SIPA1L1: variants seen among roughly 807,000 people sequenced by gnomAD.
SIPA1L1 encodes the protein signal-induced proliferation-associated 1-like protein 1.
SIPA1L1 carries 26 observed loss-of-function variants against 162.7 expected under a neutral mutation model. That is an observed-to-expected ratio of 0.16 (90% confidence interval 0.12 to 0.22). The LOEUF (loss-of-function observed/expected upper bound fraction) is 0.22. Among genes scored for constraint, SIPA1L1 ranks in the 10% least tolerant of loss-of-function variants. The pLI, the probability that SIPA1L1 is intolerant of heterozygous loss-of-function variation, is 1.00. For synonymous variants in SIPA1L1, 829 were observed against 837.4 expected, an observed-to-expected ratio of 0.99 and a Z score of 0.17; for missense variants, 1,874 against 2,241.0, an observed-to-expected ratio of 0.84 and a Z score of 3.31.
chr14:71,553,393 A>T (rs989455405), intron 4 of SIPA1L1, among the ~76,000 whole-genome samples: 5 of 152,244 alleles, frequency 3.3e-5, no homozygotes, highest in Admixed American at 3.3e-4. Context: ...CCATGGAGCT[A>T]AACACTTTGA....
At chr14:71,380,400 A>G (rs61991243) in intron 2 of SIPA1L1, among the ~76,000 whole-genome samples, 33,798 of 152,136 alleles carry the variant, frequency 0.22, 3,935 homozygotes, top group Middle Eastern at 0.37. Context: ...CTGCCCAAAT[A>G]TGGTACTTAA....
intron 2 of SIPA1L1, among the ~76,000 whole-genome samples, chr14:71,508,550 G>T (rs1427511656): frequency 6.6e-6 from 1 of 152,196 alleles, no homozygotes; most frequent in African/African-American, 2.4e-5. Flanking sequence ...CTAGAACATG[G>T]TATGTCCACT....
chr14:71,421,979 A>T (rs2043218403), intron 2 of SIPA1L1, among the ~76,000 whole-genome samples: 1 of 152,230 alleles, frequency 6.6e-6, no homozygotes, highest in African/African-American at 2.4e-5. Context: ...ATTCTCATAT[A>T]AACTAGGCCA....
intron 5 of SIPA1L1, among the ~76,000 whole-genome samples, chr14:71,611,029 T>A (rs1176509050): frequency 6.6e-6 from 1 of 152,238 alleles, no homozygotes; most frequent in Non-Finnish European, 1.5e-5. Flanking sequence ...AATGTCCCCA[T>A]CCATTACTCT....
intron 5 of SIPA1L1, among the ~76,000 whole-genome samples, chr14:71,616,642 A>G (rs959070072): frequency 6.6e-6 from 1 of 152,044 alleles, no homozygotes; most frequent in African/African-American, 2.4e-5. Context: ...ATGCTGGTGA[A>G]TTTGTGTGGA....
At chr14:71,603,675 C>T (rs1392745587) in intron 5 of SIPA1L1, among the ~76,000 whole-genome samples, 3 of 151,984 alleles carry the variant, frequency 2.0e-5, no homozygotes, top group African/African-American at 4.8e-5. Flanking sequence ...GTAATCCCAG[C>T]ACTTTGGGAG....
At chr14:71,576,897 A>G (rs1336291041) in intron 4 of SIPA1L1, among the ~76,000 whole-genome samples, 1 of 152,124 alleles carries the variant, frequency 6.6e-6, no homozygotes, top group Non-Finnish European at 1.5e-5. Context: ...AGCCTGGCCA[A>G]CATGGTGAAA....
intron 2 of SIPA1L1, among the ~76,000 whole-genome samples, chr14:71,462,042 C>T (rs1371144544): frequency 6.6e-6 from 1 of 152,178 alleles, no homozygotes; most frequent in East Asian, 1.9e-4. Context: ...ATACCACTTC[C>T]ATTTGATGAT....
At chr14:71,423,204 A>G (rs1355783572) in intron 2 of SIPA1L1, among the ~76,000 whole-genome samples, 2 of 152,112 alleles carry the variant, frequency 1.3e-5, no homozygotes. Context: ...TTCTTTATAT[A>G]GCTGTGATGT....
chr14:71,383,296 T>C (rs2040055084), intron 2 of SIPA1L1, among the ~76,000 whole-genome samples: 1 of 152,160 alleles, frequency 6.6e-6, no homozygotes, highest in South Asian at 2.1e-4. Flanking sequence ...TCCTGGAGAG[T>C]TCACTCTTAC....
chr14:71,577,293 T>C (rs1445283467), intron 4 of SIPA1L1, among the ~76,000 whole-genome samples: 1 of 152,082 alleles, frequency 6.6e-6, no homozygotes, highest in East Asian at 1.9e-4. Flanking sequence ...CTTTTTTCTT[T>C]TATATTTTCA....
chr14:71,565,694 G>T (rs961926483), intron 4 of SIPA1L1, among the ~76,000 whole-genome samples: 2 of 151,942 alleles, frequency 1.3e-5, no homozygotes, highest in Non-Finnish European at 2.9e-5. Flanking sequence ...AAATATTCTG[G>T]CCATGTTTTT....
At chr14:71,417,503 A>AAAAAAAT (rs71105776) in intron 2 of SIPA1L1, among the ~76,000 whole-genome samples, 1 of 138,640 alleles carries the variant, frequency 7.2e-6, no homozygotes, top group Non-Finnish European at 1.6e-5. Flanking sequence ...AAAAAAAAAA[A>AAAAAAAT]GAAAATCCTA....
At chr14:71,737,209 G>A (rs1157723548) in intron 22 of SIPA1L1, among the ~76,000 whole-genome samples, 1 of 152,130 alleles carries the variant, frequency 6.6e-6, no homozygotes, top group Non-Finnish European at 1.5e-5. Flanking sequence ...TGTAGACTTA[G>A]GATTAGCAGA....
intron 2 of SIPA1L1, among the ~76,000 whole-genome samples, chr14:71,433,291 A>G (rs114356785): frequency 2.0e-4 from 31 of 152,306 alleles, no homozygotes; most frequent in African/African-American, 3.6e-4. Flanking sequence ...TAGATTATCA[A>G]TGGAGTTTGA....
chr14:71,339,069 A>G (rs2035381833), intron 2 of SIPA1L1, among the ~76,000 whole-genome samples: 1 of 152,144 alleles, frequency 6.6e-6, no homozygotes, highest in East Asian at 1.9e-4. Flanking sequence ...GAGTGCCTGT[A>G]TTATATGGCA....
chr14:71,636,085 G>A (rs1416344953), intron 7 of SIPA1L1, among the ~76,000 whole-genome samples: 2 of 152,092 alleles, frequency 1.3e-5, no homozygotes, highest in African/African-American at 4.8e-5. Flanking sequence ...ACTAAAAGGA[G>A]AAATAGGTAA....
intron 4 of SIPA1L1, among the ~76,000 whole-genome samples, chr14:71,539,146 A>G (rs1455265926): frequency 6.6e-6 from 1 of 152,212 alleles, no homozygotes; most frequent in Admixed American, 6.5e-5. Flanking sequence ...GAGGACAGTC[A>G]GTGCACACTC....
chr14:71,709,471 G>C lies in SIPA1L1; in HGVS notation c.4015G>C (p.Ala1339Pro). 1 of 1,614,230 alleles carries C rather than the reference G, an allele frequency of 6.2e-7. No individual in the cohort carries two copies. Among genetic ancestry groups the C allele is most frequent in the Non-Finnish European group, 8.5e-7 (1 of 1,180,042 alleles). Residue 1339 changes from alanine (A) to proline (P), a missense_variant, in exon 17 of 24, where the codon GCA becomes CCA. By Grantham distance (27) the Ala-to-Pro change is conservative. Coordinates refer to ENST00000381232, the MANE Select transcript of SIPA1L1 (RefSeq NM_001386936.1). Reference sequence around the variant, plus strand: ...CTCAGGGCCAGGCAAGGAGAAAGTGGCACCCCTATGGCACAGCTCCAGTGA... The same window carrying C: ...CTCAGGGCCAGGCAAGGAGAAAGTGCCACCCCTATGGCACAGCTCCAGTGA... ...PRSGPGKEKV[A>P]PLWHSSSEVI...
Sources: gnomAD v4.1 joint callset for allele counts (sites outside exome capture counted in the v4.1 genomes callset) on GRCh38, gnomAD v4.1.1 for gene constraint, MANE v1.5 for transcripts, NCBI Gene and HGNC (gene_info 2026-07-23, HGNC 2026-07-21) for gene names.